The following TSHZ2 variants were observed in gnomAD, a reference collection of about 807,000 sequenced individuals.
TSHZ2 encodes the protein teashirt zinc finger homeobox 2, also known as teashirt homolog 2.
Under a neutral mutation model 74.4 loss-of-function variants are expected in TSHZ2, and 21 were observed. The observed-to-expected ratio is 0.28, with a 90% CI of 0.20 to 0.41. The LOEUF (loss-of-function observed/expected upper bound fraction) is 0.41. TSHZ2 is among the 10% of genes least tolerant of loss of function. TSHZ2 has a pLI of 1.00. For missense variants in TSHZ2, 1,244 were observed against 1,293.5 expected (o/e 0.96, Z 0.59); for synonymous variants, 540 against 515.3 (o/e 1.05, Z -0.65).
intron 2 of TSHZ2, among the ~76,000 whole-genome samples, chr20:53,340,924 G>GA (rs1017369578): frequency 3.9e-5 from 6 of 152,236 alleles, no homozygotes; most frequent in African/African-American, 1.4e-4. Flanking sequence ...TCCTCAATCT[G>GA]AAAAAAATTG....
intron 2 of TSHZ2, among the ~76,000 whole-genome samples, chr20:53,284,642 T>G (rs1207953505): frequency 1.3e-5 from 2 of 152,194 alleles, no homozygotes; most frequent in Non-Finnish European, 2.9e-5. Context: ...TGTTATCAAA[T>G]TGCCAAAAAC....
chr20:53,344,229 A>G (rs560536704), intron 2 of TSHZ2, among the ~76,000 whole-genome samples: 82 of 145,568 alleles, frequency 5.6e-4, no homozygotes, highest in African/African-American at 1.9e-3. Flanking sequence ...CATCATCATC[A>G]TCATCCCCAT....
At chr20:53,242,879 G>A (rs1990105741) in intron 1 of TSHZ2, among the ~76,000 whole-genome samples, 1 of 152,208 alleles carries the variant, frequency 6.6e-6, no homozygotes, top group Non-Finnish European at 1.5e-5. Context: ...AACAAGGTGG[G>A]CTGGGTATAG....
chr20:53,211,995 G>C (rs1260872233), intron 1 of TSHZ2, among the ~76,000 whole-genome samples: 1 of 152,156 alleles, frequency 6.6e-6, no homozygotes, highest in African/African-American at 2.4e-5. Flanking sequence ...TGGCCACCCT[G>C]TCCTTACCTG....
chr20:53,063,038 C>A (rs967205873), intron 1 of TSHZ2, among the ~76,000 whole-genome samples: 1 of 152,014 alleles, frequency 6.6e-6, no homozygotes, highest in Admixed American at 6.6e-5. Flanking sequence ...ACCCCCGAAA[C>A]AATTACAACA....
intron 2 of TSHZ2, among the ~76,000 whole-genome samples, chr20:53,375,889 T>C (rs919291282): frequency 2.6e-5 from 4 of 152,238 alleles, no homozygotes; most frequent in African/African-American, 9.6e-5. Context: ...CCTTCATTTC[T>C]TTATTTATTA....
intron 1 of TSHZ2, among the ~76,000 whole-genome samples, chr20:53,120,133 C>T (rs1986770274): frequency 6.6e-6 from 1 of 152,208 alleles, no homozygotes; most frequent in Non-Finnish European, 1.5e-5. Context: ...GGATACAATT[C>T]TCATTTCATG....
chr20:53,308,060 T>C (rs886612033), intron 2 of TSHZ2, among the ~76,000 whole-genome samples: 2 of 152,184 alleles, frequency 1.3e-5, no homozygotes, highest in African/African-American at 2.4e-5. Flanking sequence ...TCCCACGACA[T>C]AGTGAACATC....
intron 2 of TSHZ2, among the ~76,000 whole-genome samples, chr20:53,373,632 A>T (rs1568889736): frequency 6.6e-6 from 1 of 152,218 alleles, no homozygotes; most frequent in Admixed American, 6.5e-5. Context: ...AAATAGTTGC[A>T]TTTGGGATGT....
At chr20:53,185,621 A>G (rs749772944) in intron 1 of TSHZ2, 335 of 1,534,034 alleles carry the variant, frequency 2.2e-4, no homozygotes, top group Non-Finnish European at 4.0e-5. Context: ...CTCCATCTCA[A>G]AAAAAGAAAA....
At chr20:53,196,677 A>C (rs1370240623) in intron 1 of TSHZ2, 1 of 152,252 alleles carries the variant, frequency 6.6e-6, no homozygotes, top group Non-Finnish European at 1.5e-5. Context: ...AAAAACAGGC[A>C]GACAAAAAAT....
chr20:53,212,404 C>A (rs578207544), intron 1 of TSHZ2, among the ~76,000 whole-genome samples: 2 of 152,140 alleles, frequency 1.3e-5, no homozygotes, highest in Admixed American at 1.3e-4. Context: ...ATTATACTAA[C>A]GAATCCTTGC....
At chr20:53,371,993 C>T (rs1047120031) in intron 2 of TSHZ2, among the ~76,000 whole-genome samples, 9 of 152,150 alleles carry the variant, frequency 5.9e-5, no homozygotes, top group Non-Finnish European at 8.8e-5. Context: ...TGGTGCCCCT[C>T]GGCTTGTGGC....
intron 1 of TSHZ2, among the ~76,000 whole-genome samples, chr20:53,184,134 G>A (rs1222008941): frequency 6.6e-6 from 1 of 152,174 alleles, no homozygotes; most frequent in African/African-American, 2.4e-5. Context: ...TTGTGGGACT[G>A]TGGCTTTGCA....
intron 1 of TSHZ2, among the ~76,000 whole-genome samples, chr20:53,192,006 T>A (rs6123258): frequency 0.043 from 6,598 of 152,174 alleles, 463 homozygotes; most frequent in East Asian, 0.34. Context: ...GTTAGAAAAA[T>A]TAAATTAAAT....
intron 1 of TSHZ2, among the ~76,000 whole-genome samples, chr20:53,118,116 A>G (rs1204045217): frequency 1.3e-5 from 2 of 152,186 alleles, no homozygotes; most frequent in Non-Finnish European, 2.9e-5. Context: ...CAGTGCATTC[A>G]TGGGTTAAAA....
At chr20:53,233,258 C>T (rs1989869200) in intron 1 of TSHZ2, among the ~76,000 whole-genome samples, 2 of 152,312 alleles carry the variant, frequency 1.3e-5, no homozygotes, top group Middle Eastern at 6.8e-3. Context: ...GAAGATACTG[C>T]AATGCACAAG....
chr20:52,979,051 G>T (rs1208875272), intron 1 of TSHZ2, among the ~76,000 whole-genome samples: 1 of 152,070 alleles, frequency 6.6e-6, no homozygotes, highest in African/African-American at 2.4e-5. Context: ...ATTATAGGAG[G>T]AAGTTAGTCA....
At chr20:53,452,311 T>C (rs1349384546) in intron 2 of TSHZ2, among the ~76,000 whole-genome samples, 1 of 152,098 alleles carries the variant, frequency 6.6e-6, no homozygotes, top group Non-Finnish European at 1.5e-5. Flanking sequence ...CTACAAGAAC[T>C]AGAGCAGGCC....
Sources: gnomAD v4.1 joint callset for allele counts (sites outside exome capture counted in the v4.1 genomes callset) on GRCh38, gnomAD v4.1.1 for gene constraint, MANE v1.5 for transcripts, NCBI Gene and HGNC (gene_info 2026-07-23, HGNC 2026-07-21) for gene names.